The following CLASP1 variants were observed in gnomAD, a reference collection of about 807,000 sequenced individuals.
CLASP1 encodes CLIP-associating protein 1.
CLASP1 carries 38 observed loss-of-function variants against 192.3 expected under a neutral mutation model. The ratio of observed to expected loss-of-function variants is 0.20; its 90% CI spans 0.15 to 0.26. CLASP1 has a LOEUF of 0.26. Among genes scored for constraint, CLASP1 ranks in the 10% least tolerant of loss-of-function variants. The pLI, the probability that CLASP1 is intolerant of heterozygous loss-of-function variation, is 1.00. For missense variants in CLASP1, 1,433 were observed against 1,932.5 expected (o/e 0.74, Z 4.85); for synonymous variants, 691 against 712.8 (o/e 0.97, Z 0.49).
intron 1 of CLASP1, among the ~76,000 whole-genome samples, chr2:121,614,019 T>C (rs1284744650): frequency 6.6e-6 from 1 of 152,112 alleles, no homozygotes; most frequent in Non-Finnish European, 1.5e-5. Flanking sequence ...GCTGGGCCTC[T>C]CTCCACACAT....
chr2:121,583,734 G>T (rs559425807), intron 2 of CLASP1, among the ~76,000 whole-genome samples: 1 of 152,010 alleles, frequency 6.6e-6, no homozygotes, highest in Non-Finnish European at 1.5e-5. Flanking sequence ...CACTGCTATG[G>T]TGTGGATGTT....
At chr2:121,494,786 C>T (rs931839265) in intron 8 of CLASP1, among the ~76,000 whole-genome samples, 1 of 151,958 alleles carries the variant, frequency 6.6e-6, no homozygotes, top group Non-Finnish European at 1.5e-5. Flanking sequence ...TTTGGGAGGC[C>T]GAGGTGAGCG....
intron 2 of CLASP1, chr2:121,530,878 A>T (rs768937176): frequency 1.4e-5 from 10 of 690,620 alleles, no homozygotes; most frequent in South Asian, 8.9e-5. Flanking sequence ...ACTTTCTATT[A>T]TAACCATCCT....
intron 2 of CLASP1, among the ~76,000 whole-genome samples, chr2:121,560,868 A>G (rs1040016810): frequency 1.3e-5 from 2 of 152,130 alleles, no homozygotes; most frequent in African/African-American, 4.8e-5. Context: ...CCAAGTAGCC[A>G]GGATTACAGG....
intron 2 of CLASP1, among the ~76,000 whole-genome samples, chr2:121,537,114 G>A (rs947663522): frequency 4.6e-5 from 7 of 152,074 alleles, no homozygotes; most frequent in South Asian, 4.1e-4. Flanking sequence ...ATAAAAGGCC[G>A]GGCACAGTGG....
chr2:121,530,996 A>AT lies in CLASP1; in HGVS notation c.196-672dup, dbSNP rs1381146456. The stretch of plus-strand genomic sequence containing the variant: ...AGAGCTTTTGCTTTATTTTGGTGCA[A>AT]TTTTTGGAAAAATGAAAACCTGTTT... On this transcript the variant is annotated intron_variant, in intron 2 of 39. Coordinates refer to ENST00000263710, the Ensembl canonical transcript of CLASP1. The AT allele has an allele frequency of 8.6e-6, 6 of 700,162 alleles. No homozygotes were observed. Among genetic ancestry groups the AT allele is most frequent in the Non-Finnish European group, 1.6e-5 (6 of 384,774 alleles). 43.4% of individuals were successfully genotyped at this position (700,162 alleles called of 1,614,324 possible).
intron 19 of CLASP1, among the ~76,000 whole-genome samples, chr2:121,442,606 A>T (rs2083536621): frequency 6.6e-6 from 1 of 151,680 alleles, no homozygotes; most frequent in Non-Finnish European, 1.5e-5. Context: ...CAGCCTTTTG[A>T]GTAGCTGGGA....
rs2073789649 is a variant in CLASP1, at chr2:121,649,360, C to T, written c.-286+12G>A. On this transcript the variant is annotated intron_variant, in intron 1 of 39. Coordinates refer to ENST00000263710, the Ensembl canonical transcript of CLASP1. ...TCGGGTCTGACCCTCCGCCCCCTGA[C>T]CGGGTACTTACAGCCCTGTTTTTCG... is the stretch of plus-strand genomic sequence containing the variant. The T allele has an allele frequency of 1.3e-5, 2 of 152,232 alleles. No individual in the cohort carries two copies. Among genetic ancestry groups the T allele is most frequent in the South Asian group, 4.2e-4 (2 of 4,818 alleles). The allele number at this position is 152,232 out of a possible 1,614,324, so 9.4% of individuals were successfully genotyped here.
intron 2 of CLASP1, among the ~76,000 whole-genome samples, chr2:121,562,203 C>T (rs1440371787): frequency 6.6e-6 from 1 of 152,186 alleles, no homozygotes; most frequent in African/African-American, 2.4e-5. Context: ...CTTGACTCCT[C>T]TGAGCAAAGC....
At chr2:121,469,993 T>A (rs576614350) in intron 8 of CLASP1, 33 bp from the exon 9 acceptor site, 23 of 1,564,368 alleles carry the variant, frequency 1.5e-5, no homozygotes, top group East Asian at 4.5e-5. Flanking sequence ...AACGTTTTTT[T>A]AAAAACAAAA....
rs146403563 is a variant in CLASP1, at chr2:121,530,637, C to T, written c.196-312G>A. 23,010 of 530,882 alleles carry T rather than the reference C, an allele frequency of 0.043. 651 individuals are homozygous for T. Among genetic ancestry groups the T allele is most frequent in the Middle Eastern group, 0.062 (123 of 1,982 alleles). The allele number at this position is 530,882 out of a possible 1,614,324, so 32.9% of individuals were successfully genotyped here. A position where few individuals can be genotyped will look rare whatever the true frequency, so the allele number is the denominator to read the frequency against. ...GGTCCCGCCCCCGCCAGCCCCGCCC[C>T]GGCGAGAAAAGCGTATGCAAATTTT... On this transcript the variant is annotated intron_variant, in intron 2 of 39. Coordinates refer to ENST00000263710, the Ensembl canonical transcript of CLASP1.
intron 8 of CLASP1, among the ~76,000 whole-genome samples, chr2:121,478,674 C>CA (rs1559365542): frequency 2.1e-4 from 18 of 86,140 alleles, no homozygotes; most frequent in African/African-American, 7.7e-4. Flanking sequence ...CCCACACACA[C>CA]CACACACACA....
chr2:121,479,032 CCCA>C (rs2092345961), intron 8 of CLASP1, among the ~76,000 whole-genome samples: 5 of 82,990 alleles, frequency 6.0e-5, no homozygotes, highest in African/African-American at 1.7e-4. Flanking sequence ...ACACACACAC[CCCA>C]CACACACACA....
intron 2 of CLASP1, chr2:121,531,055 GTAAA>G (rs2094826523): frequency 1.4e-6 from 1 of 696,834 alleles, no homozygotes; most frequent in Non-Finnish European, 2.6e-6. Flanking sequence ...GCAGTAATTC[GTAAA>G]TAAACTAGTA....
chr2:121,532,293 TATA>T, intron 2 of CLASP1: 1 of 152,334 alleles, frequency 6.6e-6, no homozygotes, highest in Non-Finnish European at 1.5e-5. Flanking sequence ...TTTTAAATAA[TATA>T]ATAATGGTAT....
At chr2:121,447,345 G>A in exon 19 of CLASP1, 1 of 1,591,242 alleles carries the variant, frequency 6.3e-7, no homozygotes, top group East Asian at 2.3e-5. Context: ...ACCTAAGGAT[G>A]CGTATGACCC....
At chr2:121,640,672 A>C (rs1357151434) in intron 1 of CLASP1, among the ~76,000 whole-genome samples, 2 of 146,832 alleles carry the variant, frequency 1.4e-5, no homozygotes, top group Admixed American at 6.7e-5. Context: ...AAGGAAGAAC[A>C]ACCTGAGCTG....
intron 26 of CLASP1, 122 bp from the exon 28 acceptor site, chr2:121,401,992 G>A (rs984391289): frequency 6.4e-6 from 3 of 469,668 alleles, no homozygotes; most frequent in Non-Finnish European, 1.3e-5. Context: ...ACAAACCAAT[G>A]AAATATTCTC....
Position 121,361,598 on chromosome 2 carries a change from G to A in CLASP1, c.4206+1574C>T, listed in dbSNP as rs115814752. 4.9e-3 allele frequency among the ~76,000 whole-genome samples: 747 copies of A among 151,974 alleles called. 9 individuals carry two copies. Among genetic ancestry groups the A allele is most frequent in the African/African-American group, 0.017 (724 of 41,382 alleles). ...TCTTAAAACATTATGAAAATTTTTT[G>A]TGGTTTTTTTTTAGGCTCATTGGCT... On this transcript the variant is annotated intron_variant, in intron 37 of 39. Transcript: ENST00000263710.
Sources: gnomAD v4.1 joint callset for allele counts (sites outside exome capture counted in the v4.1 genomes callset) on GRCh38, gnomAD v4.1.1 for gene constraint, MANE v1.5 for transcripts, NCBI Gene and HGNC (gene_info 2026-07-23, HGNC 2026-07-21) for gene names.